The following APOL1 variants were observed in gnomAD, a reference collection of about 807,000 sequenced individuals.
APOL1 encodes apolipoprotein L 1.
In APOL1, 17 loss-of-function variants were observed where a neutral mutation model predicts 14.9. That is an observed-to-expected ratio of 1.14 (90% CI 0.78 to 1.71). APOL1 has a LOEUF of 1.71. Ranked by LOEUF, APOL1 falls within the 40% of genes most tolerant of loss-of-function variation. The probability of loss-of-function intolerance (pLI) is 0.00; values close to 1 mark genes in which losing one functional copy is unlikely to be tolerated. For missense variants in APOL1, 523 were observed against 485.9 expected (o/e 1.08, Z -0.72); for synonymous variants, 195 against 184.8 (o/e 1.05, Z -0.45).
chr22:36,266,050 C>A lies in APOL1; in HGVS notation c.*17C>A. ...GAACTGTGACCACAGGGCAGGGCAG[C>A]CACCAGGAGAGATATGCCTGGCAGG... is the stretch of plus-strand genomic sequence containing the variant. On this transcript the variant is annotated 3_prime_UTR_variant, in exon 6 of 6. Transcript: ENST00000397278. 6.4e-7 allele frequency: 1 copy of A among 1,568,850 alleles called. No homozygotes were observed. Among genetic ancestry groups the A allele is most frequent in the Non-Finnish European group, 8.6e-7 (1 of 1,159,506 alleles).
chr22:36,264,289 C>T (rs1020985087), intron 5 of APOL1, among the ~76,000 whole-genome samples: 3 of 152,154 alleles, frequency 2.0e-5, no homozygotes, highest in African/African-American at 7.2e-5. Flanking sequence ...CACCAAATAG[C>T]CCCAAACCCC....
At chr22:36,257,774 G>A (rs1248908537) in intron 4 of APOL1, among the ~76,000 whole-genome samples, 5 of 150,812 alleles carry the variant, frequency 3.3e-5, no homozygotes, top group Non-Finnish European at 5.9e-5. Context: ...CAGCAGCCCC[G>A]ACCTGTCACC....
At chr22:36,258,336 C>T (rs1180799801) in intron 4 of APOL1, among the ~76,000 whole-genome samples, 2 of 152,230 alleles carry the variant, frequency 1.3e-5, no homozygotes, top group Non-Finnish European at 2.9e-5. Flanking sequence ...AATTGGGAAA[C>T]AGCAAACTGG....
Position 36,255,064 on chromosome 22 carries a change from T to G in APOL1, c.44+65T>G. 9 of 1,552,938 alleles carry G rather than the reference T, an allele frequency of 5.8e-6. No individual in the cohort carries two copies. In the South Asian group the frequency reaches 1.0e-4, roughly 17 times the overall value. On this transcript the variant is annotated intron_variant, in intron 2 of 5. Transcript: ENST00000397278. ...CCCTGTCTGGGCTGCACAATTGGAC[T>G]GGGCTTGGGCTGGGCCAGGGCCATC... is the stretch of plus-strand genomic sequence containing the variant.
At chr22:36,255,076 G>T in intron 2 of APOL1, 77 bp downstream of exon 2, 1 of 1,508,590 alleles carries the variant, frequency 6.6e-7, no homozygotes, top group South Asian at 1.1e-5. Flanking sequence ...GGCTTGGGCT[G>T]GGCCAGGGCC....
intron 5 of APOL1, among the ~76,000 whole-genome samples, chr22:36,264,810 C>CTTTTTTTTTTTT (rs368899919): frequency 8.3e-6 from 1 of 120,430 alleles, no homozygotes; most frequent in Non-Finnish European, 1.7e-5. Flanking sequence ...AACTGCATTT[C>CTTTTTTTTTTTT]TTTTTTTTTT....
rs116136671 is a variant in APOL1 at position 36,265,363 on chromosome 22, A to T, written c.527A>T (p.Asn176Ile). The change falls in exon 6 of 6, where the codon AAT (asparagine) becomes ATT (isoleucine). Residue 176 changes from asparagine to isoleucine, a missense_variant. Physicochemically the swap from Asn to Ile is moderately radical, Grantham distance 149. Transcript: ENST00000397278. ...GTCCACAAAGGCACCACCATCGCCAATGTGGTGTCTGGCTCTCTCAGCATT... is the reference window on the plus strand; with the variant it reads ...GTCCACAAAGGCACCACCATCGCCATTGTGGTGTCTGGCTCTCTCAGCATT... ...QKVHKGTTIANVVSGSLSISS... is the reference protein window; with the variant it reads ...QKVHKGTTIAIVVSGSLSISS... 1.9e-6 allele frequency: 3 copies of T among 1,612,484 alleles called. No individual in the cohort carries two copies. The highest frequency in any genetic ancestry group is 2.5e-6 in the Non-Finnish European group (3 of 1,178,970).
chr22:36,254,798 G>A (rs2015805549), intron 1 of APOL1, 139 bp from the exon 2 acceptor site: 2 of 1,086,578 alleles, frequency 1.8e-6, no homozygotes, highest in Non-Finnish European at 2.7e-6. Flanking sequence ...GGGAGGCAGA[G>A]CTTGTAGCGA....
In APOL1 at chr22:36,266,559, T is replaced by G; in HGVS notation, c.*526T>G. On this transcript the variant is annotated 3_prime_UTR_variant, in exon 6 of 6. Coordinates refer to ENST00000397278, the MANE Select transcript of APOL1 (RefSeq NM_003661.4). The stretch of plus-strand genomic sequence containing the variant: ...ATTGGAGCCTGCAATAAGGGAAAAA[T>G]GGGAACTGGAGAGTGTGGGGAATGG... 2 of 398,426 alleles carry G rather than the reference T, an allele frequency of 5.0e-6. No homozygotes were observed. Among genetic ancestry groups the G allele is most frequent in the Non-Finnish European group, 8.8e-6 (2 of 226,672 alleles). 24.7% of individuals were successfully genotyped at this position (398,426 alleles called of 1,614,324 possible). A position where few individuals can be genotyped will look rare whatever the true frequency, so the allele number is the denominator to read the frequency against.
At position 36,257,127 on chromosome 22, in the gene APOL1, C is replaced by G. The variant is rs1271868830; in HGVS notation, c.89C>G (p.Ala30Gly). Residue 30 changes from alanine to glycine, a missense_variant, in exon 3 of 6, where the codon GCT (alanine) becomes GGT (glycine). Physicochemically the swap from Ala to Gly is moderately conservative, Grantham distance 60. Coordinates refer to ENST00000397278, the MANE Select transcript of APOL1 (RefSeq NM_003661.4). Reference protein sequence around the residue: ...FLGVGVRAEEAGARVQQNVPS... With the variant: ...FLGVGVRAEEGGARVQQNVPS... The stretch of plus-strand genomic sequence containing the variant: ...GGTGTGGGAGTGAGGGCAGAGGAAG[C>G]TGGAGCGAGGTGAGTGTCTGCAAAT... 10 of 1,613,998 alleles carry G rather than the reference C, an allele frequency of 6.2e-6. No individual in the cohort carries two copies. Among genetic ancestry groups the G allele is most frequent in the Non-Finnish European group, 8.5e-6 (10 of 1,180,014 alleles).
rs1049007076 is a variant in APOL1, at chr22:36,266,713, G to A, written c.*680G>A. 8 of 348,610 alleles carry A rather than the reference G, an allele frequency of 2.3e-5. No individual in the cohort carries two copies. Among genetic ancestry groups the A allele is most frequent in the South Asian group, 1.5e-4 (1 of 6,894 alleles). 21.6% of individuals were successfully genotyped at this position (348,610 alleles called of 1,614,324 possible). A position where few individuals can be genotyped will look rare whatever the true frequency, so the allele number is the denominator to read the frequency against. On this transcript the variant is annotated 3_prime_UTR_variant, in exon 6 of 6. Transcript: ENST00000397278. ...GAGGTCAGGAGATCGAGACCATCCT[G>A]GCTAACACAGTGAAACCCCGTCTCT...
At chr22:36,253,306 A>G in intron 1 of APOL1, 87 bp downstream of exon 1, 1 of 275,168 alleles carries the variant, frequency 3.6e-6, no homozygotes, top group Non-Finnish European at 7.3e-6. Flanking sequence ...TGGTTCAGAT[A>G]GACAGGAAAG....
intron 1 of APOL1, chr22:36,254,084 T>C: frequency 1.3e-6 from 2 of 1,494,570 alleles, no homozygotes; most frequent in Non-Finnish European, 1.9e-6. Context: ...AATCAAACAT[T>C]TTTGCTTCAA....
intron 5 of APOL1, among the ~76,000 whole-genome samples, chr22:36,263,697 T>A (rs1032839536): frequency 6.6e-6 from 1 of 152,156 alleles, no homozygotes; most frequent in African/African-American, 2.4e-5. Context: ...TAAGGAAAAA[T>A]TCCTGTGAAT....
intron 5 of APOL1, among the ~76,000 whole-genome samples, chr22:36,263,222 C>G (rs1252954689): frequency 6.6e-6 from 1 of 152,304 alleles, no homozygotes; most frequent in East Asian, 1.9e-4. Context: ...AGCCAGATCT[C>G]CCACTCCAGT....
rs1316881884 is a variant in APOL1 at position 36,265,755 on chromosome 22, A to G, written c.919A>G (p.Thr307Ala). 1 of 1,614,178 alleles carries G rather than the reference A, an allele frequency of 6.2e-7. No individual in the cohort carries two copies. The highest frequency in any genetic ancestry group is 1.7e-5 in the Admixed American group (1 of 60,022). ...TGCCTCAGCCTCACGCCCCCGGGTC[A>G]CTGAGCCAATCTCAGCTGAAAGCGG... ...PHASASRPRVTEPISAESGEQ... is the reference protein window; with the variant it reads ...PHASASRPRVAEPISAESGEQ... The change falls in exon 6 of 6, where the codon ACT becomes GCT. Residue 307 changes from threonine (T) to alanine (A), a missense_variant. Thr to Ala is a moderately conservative substitution (Grantham distance 58). Coordinates refer to ENST00000397278, the MANE Select transcript of APOL1 (RefSeq NM_003661.4).
intron 1 of APOL1, among the ~76,000 whole-genome samples, chr22:36,253,466 G>A (rs1009726584): frequency 6.6e-6 from 1 of 152,174 alleles, no homozygotes; most frequent in African/African-American, 2.4e-5. Context: ...GCTGAGACAC[G>A]ACTGAGTGAA....
chr22:36,266,047 C>A lies in APOL1; in HGVS notation c.*14C>A, dbSNP rs1469101665. 3 of 1,585,682 alleles carry A rather than the reference C, an allele frequency of 1.9e-6. No homozygotes were observed. The highest frequency in any genetic ancestry group is 1.2e-5 in the South Asian group (1 of 86,010). ...CAAGAACTGTGACCACAGGGCAGGG[C>A]AGCCACCAGGAGAGATATGCCTGGC... On this transcript the variant is annotated 3_prime_UTR_variant, in exon 6 of 6. Transcript: ENST00000397278.
At chr22:36,257,870 T>G (rs1207877122) in intron 4 of APOL1, among the ~76,000 whole-genome samples, 3 of 152,116 alleles carry the variant, frequency 2.0e-5, no homozygotes, top group Non-Finnish European at 4.4e-5. Flanking sequence ...CTAGCCCCTT[T>G]GCTCTGAGTG....
Sources: allele counts gnomAD v4.1 joint callset (sites outside exome capture counted in the v4.1 genomes callset), GRCh38; gene constraint gnomAD v4.1.1; transcripts MANE v1.5; gene names NCBI Gene and HGNC (gene_info 2026-07-23, HGNC 2026-07-21).